The following DNAAF5 variants were observed in gnomAD, a reference collection of about 807,000 sequenced individuals.
DNAAF5 encodes the protein HEAT repeat containing 2.
In DNAAF5, 64 loss-of-function variants were observed where a neutral mutation model predicts 75.8. The observed-to-expected ratio is 0.84, with a 90% CI of 0.69 to 1.04. The LOEUF (loss-of-function observed/expected upper bound fraction) is 1.04, where lower values mean the gene tolerates loss of function less well. Ranked by LOEUF, DNAAF5 falls within the 50% of genes least tolerant of loss-of-function variation. The probability of loss-of-function intolerance (pLI) is 0.00; values close to 1 mark genes in which losing one functional copy is unlikely to be tolerated. For missense variants in DNAAF5, 1,269 were observed against 1,178.5 expected, an observed-to-expected ratio of 1.08 and a Z score of -1.12; for synonymous variants, 657 against 557.2, an observed-to-expected ratio of 1.18 and a Z score of -2.52.
intron 2 of DNAAF5, among the ~76,000 whole-genome samples, chr7:738,116 T>C (rs1781792697): frequency 6.6e-6 from 1 of 152,192 alleles, no homozygotes; most frequent in Non-Finnish European, 1.5e-5. Context: ...TCTTTTTTCT[T>C]TTGTCTTCTC....
intron 8 of DNAAF5, among the ~76,000 whole-genome samples, chr7:766,678 A>G (rs1429089491): frequency 6.6e-5 from 10 of 151,998 alleles, no homozygotes; most frequent in Non-Finnish European, 8.8e-5. Context: ...CTCTGAGTCC[A>G]TAACCGAGCA....
chr7:727,526 C>G (rs1781386261), intron 1 of DNAAF5: 3 of 298,694 alleles, frequency 1.0e-5, no homozygotes, highest in Admixed American at 5.4e-5. Flanking sequence ...CACTGCTTCC[C>G]CTGCCTCACG....
In DNAAF5 at chr7:756,782, T is replaced by C. The variant is rs147811057; in HGVS notation, c.1258T>C (p.Cys420Arg). Reference sequence around the variant, plus strand: ...GTTTTCTCATGTTTCTTTCTCGCAGTGTACCAGATCCGCAGAGCTCGTCGG... The same window carrying C: ...GTTTTCTCATGTTTCTTTCTCGCAGCGTACCAGATCCGCAGAGCTCGTCGG... The part of the protein sequence containing the change: ...TDEEAAVVQS[C>R]TRSAELVGTF... Residue 420 changes from cysteine (C) to arginine (R), a missense_variant and splice_region_variant, in exon 6 of 13, where the codon TGT becomes CGT. Physicochemically the swap from Cys to Arg is radical, Grantham distance 180. Transcript: ENST00000297440. 4.0e-5 allele frequency: 65 copies of C among 1,612,984 alleles called. No individual in the cohort carries two copies. Among genetic ancestry groups the C allele is most frequent in the Non-Finnish European group, 4.4e-5 (52 of 1,179,418 alleles).
At chr7:785,097 C>T (rs896991316) in intron 12 of DNAAF5, among the ~76,000 whole-genome samples, 1 of 151,828 alleles carries the variant, frequency 6.6e-6, no homozygotes, top group East Asian at 1.9e-4. Context: ...TGCATCAGGT[C>T]GCTCGTGTCC....
At chr7:740,146 G>T (rs1046955061) in intron 2 of DNAAF5, among the ~76,000 whole-genome samples, 1 of 152,176 alleles carries the variant, frequency 6.6e-6, no homozygotes, top group Non-Finnish European at 1.5e-5. Context: ...CTTCCTGGCC[G>T]TTCCCGCTTC....
At chr7:743,496 C>T (rs1583484953) in intron 4 of DNAAF5, among the ~76,000 whole-genome samples, 1 of 152,268 alleles carries the variant, frequency 6.6e-6, no homozygotes. Flanking sequence ...GTTGCTTTTC[C>T]TCCCGGTCGG....
intron 12 of DNAAF5, among the ~76,000 whole-genome samples, chr7:780,614 G>T (rs1301710718): frequency 6.6e-6 from 1 of 152,176 alleles, no homozygotes; most frequent in African/African-American, 2.4e-5. Flanking sequence ...GTGGCTTCAA[G>T]TGTAGTTGGA....
intron 4 of DNAAF5, among the ~76,000 whole-genome samples, chr7:742,187 G>A (rs776378786): frequency 7.9e-5 from 12 of 152,182 alleles, no homozygotes; most frequent in Non-Finnish European, 1.8e-4. Flanking sequence ...CCACTTGCAC[G>A]CGGTCAAGTG....
chr7:745,348 G>C (rs187727761), intron 4 of DNAAF5, among the ~76,000 whole-genome samples: 1 of 152,150 alleles, frequency 6.6e-6, no homozygotes, highest in East Asian at 1.9e-4. Context: ...GCGGGGGGTC[G>C]GGGGGACTGT....
chr7:784,698 T>C (rs1779094280), intron 12 of DNAAF5, among the ~76,000 whole-genome samples: 1 of 152,212 alleles, frequency 6.6e-6, no homozygotes, highest in South Asian at 2.1e-4. Flanking sequence ...CGGTGATGCC[T>C]GGCCCGTGGG....
intron 8 of DNAAF5, among the ~76,000 whole-genome samples, chr7:766,081 A>G (rs546331311): frequency 6.6e-6 from 1 of 151,836 alleles, no homozygotes; most frequent in South Asian, 2.1e-4. Context: ...TTCCCACCTC[A>G]CCCTCCCAAA....
intron 12 of DNAAF5, among the ~76,000 whole-genome samples, chr7:782,397 G>A (rs561935577): frequency 1.3e-5 from 2 of 148,534 alleles, no homozygotes; most frequent in South Asian, 2.2e-4. Flanking sequence ...GCATCTTCCC[G>A]GCGTGGCCGC....
chr7:750,369 C>T (rs114369620), intron 4 of DNAAF5, among the ~76,000 whole-genome samples: 1,712 of 152,266 alleles, frequency 0.011, 40 homozygotes, highest in African/African-American at 0.039. Context: ...CCAGAACGCA[C>T]CCCCCACCGT....
intron 6 of DNAAF5, among the ~76,000 whole-genome samples, chr7:761,395 G>C (rs1782639279): frequency 6.6e-6 from 1 of 152,230 alleles, no homozygotes; most frequent in African/African-American, 2.4e-5. Context: ...CGCTAATAAA[G>C]ATCTACCACA....
chr7:785,933 C>G lies in DNAAF5; in HGVS notation c.*280C>G, dbSNP rs1779133076. 2.6e-6 allele frequency: 1 copy of G among 382,236 alleles called. No individual in the cohort carries two copies. Among genetic ancestry groups the G allele is most frequent in the Non-Finnish European group, 4.7e-6 (1 of 211,926 alleles). 23.7% of individuals were successfully genotyped at this position (382,236 alleles called of 1,614,324 possible). On this transcript the variant is annotated 3_prime_UTR_variant, in exon 13 of 13. Transcript: ENST00000297440. ...GCCGCTCCTCCCGCAGCCACTTCAG[C>G]AGCATCTTAGATTTTAAGCCTCACG... is the stretch of plus-strand genomic sequence containing the variant.
At chr7:760,645 G>A (rs1251307626) in intron 6 of DNAAF5, among the ~76,000 whole-genome samples, 1 of 152,152 alleles carries the variant, frequency 6.6e-6, no homozygotes, top group Non-Finnish European at 1.5e-5. Flanking sequence ...GCAAGACCCT[G>A]TCTCTAAAAA....
In DNAAF5 at chr7:754,782, C is replaced by A. The variant is rs780507637; in HGVS notation, c.1218C>A (p.Phe406Leu). Residue 406 changes from phenylalanine to leucine, a missense_variant, in exon 5 of 13, where the codon TTC (phenylalanine) becomes TTA (leucine). Phe to Leu is a conservative substitution (Grantham distance 22). Transcript: ENST00000297440. This position sits in a 1 kb window ranked among gnomAD's most constrained non-coding sequence, Gnocchi z 4.8. ...TGGAGGTCGTCCTCCGGACCCTGTT[C>A]CAGGCCTGCACCGACGAGGAGGCAG... ...QHLEVVLRTL[F>L]QACTDEEAAV... 6.2e-7 allele frequency: 1 copy of A among 1,612,538 alleles called. No homozygotes were observed. Among genetic ancestry groups the A allele is most frequent in the Admixed American group, 1.7e-5 (1 of 59,978 alleles).
chr7:762,249 G>A (rs1266681876), intron 7 of DNAAF5, among the ~76,000 whole-genome samples: 1 of 152,166 alleles, frequency 6.6e-6, no homozygotes, highest in African/African-American at 2.4e-5. Flanking sequence ...ACTTTGGGAG[G>A]CCGAGGTGGG....
intron 12 of DNAAF5, among the ~76,000 whole-genome samples, chr7:781,904 C>T (rs1451400782): frequency 2.0e-5 from 3 of 152,344 alleles, no homozygotes; most frequent in Admixed American, 6.5e-5. Context: ...TGTCAGGCGG[C>T]GGTTCTAAGA....
Sources: allele counts gnomAD v4.1 joint callset (sites outside exome capture counted in the v4.1 genomes callset), GRCh38; gene constraint gnomAD v4.1.1; non-coding constraint Gnocchi (gnomAD v3.1); transcripts MANE v1.5; gene names NCBI Gene and HGNC (gene_info 2026-07-23, HGNC 2026-07-21).